Variants in CNBD1 observed in about 807,000 individuals in gnomAD.
CNBD1 encodes the protein cyclic nucleotide binding domain containing 1.
Under a neutral mutation model 54.4 loss-of-function variants are expected in CNBD1, and 71 were observed. The ratio of observed to expected loss-of-function variants is 1.30; its 90% confidence interval spans 1.08 to 1.59. The LOEUF (loss-of-function observed/expected upper bound fraction) is 1.59, where lower values mean the gene tolerates loss of function less well. CNBD1 is among the 40% of genes most tolerant of loss of function. The probability of loss-of-function intolerance (pLI) is 0.00; values close to 1 mark genes in which losing one functional copy is unlikely to be tolerated. For synonymous variants in CNBD1, 182 were observed against 170.7 expected (o/e 1.07, Z -0.51); for missense variants, 659 against 518.0 (o/e 1.27, Z -2.64).
chr8:87,128,997 G>A (rs1392107156), intron 4 of CNBD1, among the ~76,000 whole-genome samples: 1 of 140,868 alleles, frequency 7.1e-6, no homozygotes, highest in Non-Finnish European at 1.5e-5. Context: ...TTGAGCCCGG[G>A]AGACTGAGGT....
chr8:87,231,775 G>A (rs1372756519), intron 5 of CNBD1, among the ~76,000 whole-genome samples: 1 of 151,792 alleles, frequency 6.6e-6, no homozygotes, highest in Non-Finnish European at 1.5e-5. Context: ...ATTTTTTAAG[G>A]CAAAATTTAT....
chr8:87,099,400 T>C (rs1458048245), intron 4 of CNBD1, among the ~76,000 whole-genome samples: 1 of 152,062 alleles, frequency 6.6e-6, no homozygotes, highest in Non-Finnish European at 1.5e-5. Flanking sequence ...TATTATCTGA[T>C]TTATACTTCA....
chr8:86,978,401 G>A (rs1808391370), intron 4 of CNBD1, among the ~76,000 whole-genome samples: 1 of 151,922 alleles, frequency 6.6e-6, no homozygotes, highest in Non-Finnish European at 1.5e-5. Flanking sequence ...AATTTAGACA[G>A]TCTGAAAAAA....
At chr8:86,890,156 C>T (rs1220498200) in intron 2 of CNBD1, among the ~76,000 whole-genome samples, 1 of 151,984 alleles carries the variant, frequency 6.6e-6, no homozygotes, top group Non-Finnish European at 1.5e-5. Flanking sequence ...TTTTTATTAA[C>T]TTTAGTCACC....
At chr8:86,989,996 T>C (rs750748020) in intron 4 of CNBD1, among the ~76,000 whole-genome samples, 6 of 152,230 alleles carry the variant, frequency 3.9e-5, no homozygotes, top group Non-Finnish European at 7.3e-5. Context: ...GTGTGTATCT[T>C]CTTATGATAA....
intron 4 of CNBD1, among the ~76,000 whole-genome samples, chr8:87,061,365 C>T (rs1373641191): frequency 6.6e-6 from 1 of 152,148 alleles, no homozygotes; most frequent in Non-Finnish European, 1.5e-5. Context: ...CAGCAGATTC[C>T]ATAATAATAC....
At chr8:87,086,146 A>T (rs1811091395) in intron 4 of CNBD1, among the ~76,000 whole-genome samples, 1 of 152,032 alleles carries the variant, frequency 6.6e-6, no homozygotes, top group Non-Finnish European at 1.5e-5. Flanking sequence ...CTTGAATCTG[A>T]GGCTCTGAAG....
chr8:87,311,697 G>T (rs1455876600), intron 8 of CNBD1, among the ~76,000 whole-genome samples: 1 of 151,992 alleles, frequency 6.6e-6, no homozygotes, highest in Admixed American at 6.6e-5. Flanking sequence ...AATCAATGTA[G>T]TTCCCCATCA....
intron 4 of CNBD1, among the ~76,000 whole-genome samples, chr8:86,968,972 C>G (rs1318247733): frequency 6.6e-6 from 1 of 152,106 alleles, no homozygotes; most frequent in Non-Finnish European, 1.5e-5. Flanking sequence ...TTGGAGCCCA[C>G]AAGGAATTTT....
At chr8:87,384,753 G>T (rs529315475), downstream of CNBD1, among the ~76,000 whole-genome samples, 1 of 152,116 alleles carries the variant, frequency 6.6e-6, no homozygotes, top group East Asian at 1.9e-4. Flanking sequence ...TTATACCTCA[G>T]ACCTGAAGGA....
chr8:87,425,465 CT>C (rs1164557413), intron 2 of CNBD1, among the ~76,000 whole-genome samples: 2 of 152,146 alleles, frequency 1.3e-5, no homozygotes, highest in Non-Finnish European at 2.9e-5. Flanking sequence ...TACTTTTGGT[CT>C]TTGATGATGG....
At chr8:87,079,717 C>G (rs2130663369) in intron 4 of CNBD1, among the ~76,000 whole-genome samples, 1 of 152,060 alleles carries the variant, frequency 6.6e-6, no homozygotes, top group East Asian at 1.9e-4. Context: ...TCTTATTGAA[C>G]ACACATATTT....
chr8:86,866,644 C>G (rs1486887485), intron 1 of CNBD1, 61 bp downstream of exon 1: 9 of 1,301,700 alleles, frequency 6.9e-6, no homozygotes, highest in Middle Eastern at 1.8e-4. Context: ...GGTTCTTACC[C>G]CAGCTATGAA....
chr8:87,413,393 G>C (rs754232025), intron 2 of CNBD1, among the ~76,000 whole-genome samples: 3 of 151,968 alleles, frequency 2.0e-5, no homozygotes, highest in Admixed American at 1.3e-4. Context: ...TTAACACCTA[G>C]TGTCATTTTG....
At chr8:86,889,290 C>T (rs1808730375) in intron 2 of CNBD1, among the ~76,000 whole-genome samples, 1 of 152,024 alleles carries the variant, frequency 6.6e-6, no homozygotes, top group Admixed American at 6.6e-5. Context: ...TTAATAAAAG[C>T]TTGGAAGTTC....
At chr8:87,400,030 ACAGATAAT>A (rs1807526833) in intron 2 of CNBD1, among the ~76,000 whole-genome samples, 1 of 151,898 alleles carries the variant, frequency 6.6e-6, no homozygotes, top group Admixed American at 6.6e-5. Flanking sequence ...TGTCTAATTC[ACAGATAAT>A]CAGTGGTCAC....
At chr8:87,308,183 A>G (rs1259220973) in intron 8 of CNBD1, among the ~76,000 whole-genome samples, 1 of 152,116 alleles carries the variant, frequency 6.6e-6, no homozygotes, top group Admixed American at 6.6e-5. Context: ...ACAATGAACA[A>G]TTTACTTGGG....
intron 2 of CNBD1, chr8:87,428,501 T>C: frequency 2.8e-6 from 1 of 356,550 alleles, no homozygotes; most frequent in Non-Finnish European, 5.5e-6. Context: ...TTATGAAGAT[T>C]ATTTTTTTAT....
intron 4 of CNBD1, among the ~76,000 whole-genome samples, chr8:87,005,821 C>A (rs1247650895): frequency 6.6e-6 from 1 of 151,974 alleles, no homozygotes; most frequent in Non-Finnish European, 1.5e-5. Context: ...TCTGTGTTTG[C>A]TAATTGGTGC....
Sources: allele counts gnomAD v4.1 joint callset (sites outside exome capture counted in the v4.1 genomes callset), GRCh38; gene constraint gnomAD v4.1.1; transcripts MANE v1.5; gene names NCBI Gene and HGNC (gene_info 2026-07-23, HGNC 2026-07-21).